The following SLC24A2 variants were observed in gnomAD, a reference collection of about 807,000 sequenced individuals.
SLC24A2 encodes the protein solute carrier family 24 member 2, also known as sodium/potassium/calcium exchanger 2.
Under a neutral mutation model 62.0 loss-of-function variants are expected in SLC24A2, and 36 were observed. The ratio of observed to expected loss-of-function variants is 0.58; its 90% confidence interval spans 0.44 to 0.77. The LOEUF is 0.77. SLC24A2 is among the 30% of genes least tolerant of loss of function. The probability of loss-of-function intolerance (pLI) is 0.00; values close to 1 mark genes in which losing one functional copy is unlikely to be tolerated. For synonymous variants in SLC24A2, 358 were observed against 294.0 expected, an observed-to-expected ratio of 1.22 and a Z score of -2.23; for missense variants, 846 against 817.9, an observed-to-expected ratio of 1.03 and a Z score of -0.42.
chr9:19,896,372 C>T, the SLC24A2 span, among the ~76,000 whole-genome samples: 2 of 152,156 alleles, frequency 1.3e-5, no homozygotes, highest in African/African-American at 4.8e-5. Context: ...AACAGATGAA[C>T]ATTTGTCTAA....
chr9:19,642,673 T>TA (rs2118090641), intron 2 of SLC24A2, among the ~76,000 whole-genome samples: 1 of 19,944 alleles, frequency 5.0e-5, no homozygotes, highest in South Asian at 2.8e-3. Flanking sequence ...AGCGTATTCT[T>TA]TTTTTTTTTT....
the SLC24A2 span, among the ~76,000 whole-genome samples, chr9:19,909,823 G>A: frequency 2.1e-4 from 32 of 152,012 alleles, no homozygotes; most frequent in Non-Finnish European, 3.5e-4. Context: ...TGCCAGAGTG[G>A]TGTATATTGG....
At chr9:20,103,349 T>C in the SLC24A2 span, among the ~76,000 whole-genome samples, 1 of 152,098 alleles carries the variant, frequency 6.6e-6, no homozygotes, top group African/African-American at 2.4e-5. Flanking sequence ...AGAGCATGGT[T>C]CTCCCAGCAT....
the SLC24A2 span, among the ~76,000 whole-genome samples, chr9:20,163,824 G>A: frequency 1.4e-4 from 22 of 152,106 alleles, no homozygotes; most frequent in Admixed American, 2.6e-4. Flanking sequence ...CAGAAGTAAC[G>A]CCGCATATCT....
the SLC24A2 span, among the ~76,000 whole-genome samples, chr9:20,092,741 G>C: frequency 6.6e-6 from 1 of 152,082 alleles, no homozygotes; most frequent in African/African-American, 2.4e-5. Flanking sequence ...GCAGGGCAGG[G>C]GGATGAGGAC....
chr9:19,822,729 C>G, the SLC24A2 span, among the ~76,000 whole-genome samples: 7 of 152,206 alleles, frequency 4.6e-5, no homozygotes, highest in East Asian at 1.2e-3. Context: ...TTTATGGGCT[C>G]AGAATTTAAA....
chr9:19,964,401 G>T, the SLC24A2 span, among the ~76,000 whole-genome samples: 1 of 152,076 alleles, frequency 6.6e-6, no homozygotes, highest in Non-Finnish European at 1.5e-5. Flanking sequence ...AGGAGTTGCA[G>T]TCAAGTGGTG....
chr9:20,059,200 G>C, the SLC24A2 span, among the ~76,000 whole-genome samples: 1 of 152,160 alleles, frequency 6.6e-6, no homozygotes, highest in African/African-American at 2.4e-5. Context: ...AGCTTGGCGA[G>C]TGTATTCACA....
intron 9 of SLC24A2, among the ~76,000 whole-genome samples, chr9:19,526,884 C>T (rs544899137): frequency 6.6e-6 from 1 of 152,202 alleles, no homozygotes; most frequent in African/African-American, 2.4e-5. Context: ...TTTCATGGAT[C>T]ATGCTTTGGT....
the SLC24A2 span, among the ~76,000 whole-genome samples, chr9:19,921,270 T>G: frequency 2.6e-5 from 4 of 152,048 alleles, no homozygotes; most frequent in African/African-American, 9.7e-5. Flanking sequence ...ACACCTGAAA[T>G]CCCAGCACTT....
chr9:19,671,229 G>A (rs1474476229), intron 2 of SLC24A2, among the ~76,000 whole-genome samples: 2 of 151,796 alleles, frequency 1.3e-5, no homozygotes, highest in Non-Finnish European at 2.9e-5. Flanking sequence ...TCTTTCAGCA[G>A]TGTTTCATAG....
chr9:20,089,095 C>T, the SLC24A2 span, among the ~76,000 whole-genome samples: 2 of 152,198 alleles, frequency 1.3e-5, no homozygotes, highest in African/African-American at 4.8e-5. Flanking sequence ...CTGCAACTCC[C>T]TGGGATAGAG....
At chr9:19,567,425 A>G (rs1835698892) in intron 7 of SLC24A2, among the ~76,000 whole-genome samples, 1 of 151,232 alleles carries the variant, frequency 6.6e-6, no homozygotes, top group Non-Finnish European at 1.5e-5. Flanking sequence ...GGGCGCCTGT[A>G]GTCCCAGCTA....
In SLC24A2 at chr9:19,513,914, T is replaced by A. The variant is rs1473522893; in HGVS notation, c.*2239A>T. The A allele has an allele frequency of 6.6e-6, 1 of 152,224 alleles. No individual in the cohort carries two copies. Among genetic ancestry groups the A allele is most frequent in the Non-Finnish European group, 1.5e-5 (1 of 68,032 alleles). The allele number at this position is 152,224 out of a possible 1,614,324, so 9.4% of individuals were successfully genotyped here. The stretch of plus-strand genomic sequence containing the variant: ...AAATTCTTGCCCCAGTACAAAGTCC[T>A]GACCTTGATGAATGAGATTCATTCC... On this transcript the variant is annotated 3_prime_UTR_variant, in exon 11 of 11. Transcript: ENST00000341998.
chr9:19,944,058 A>T, the SLC24A2 span, among the ~76,000 whole-genome samples: 3 of 152,192 alleles, frequency 2.0e-5, no homozygotes, highest in Non-Finnish European at 4.4e-5. Context: ...GAAGCTAAAC[A>T]TTGGGTAATC....
the SLC24A2 span, among the ~76,000 whole-genome samples, chr9:20,165,658 A>T: frequency 6.6e-6 from 1 of 151,922 alleles, no homozygotes; most frequent in African/African-American, 2.4e-5. Context: ...TCAGGGATCC[A>T]TGTTTTTTAA....
the SLC24A2 span, among the ~76,000 whole-genome samples, chr9:20,249,056 G>C: frequency 6.6e-6 from 1 of 152,182 alleles, no homozygotes; most frequent in African/African-American, 2.4e-5. Flanking sequence ...ATGAAGTAAA[G>C]CAGATTCTGG....
chr9:20,224,159 A>G, the SLC24A2 span, among the ~76,000 whole-genome samples: 3 of 152,224 alleles, frequency 2.0e-5, no homozygotes, highest in Non-Finnish European at 1.5e-5. Flanking sequence ...GTGGGGACAC[A>G]GAGCCAAACA....
chr9:20,278,957 A>G, the SLC24A2 span, among the ~76,000 whole-genome samples: 3 of 152,196 alleles, frequency 2.0e-5, no homozygotes, highest in Non-Finnish European at 4.4e-5. Flanking sequence ...GGAGGCCTCA[A>G]GGCACTTACA....
Sources: gnomAD v4.1 joint callset for allele counts (sites outside exome capture counted in the v4.1 genomes callset) on GRCh38, gnomAD v4.1.1 for gene constraint, MANE v1.5 for transcripts, NCBI Gene and HGNC (gene_info 2026-07-23, HGNC 2026-07-21) for gene names.